EYS: variants seen among roughly 807,000 people sequenced by gnomAD.
EYS encodes protein eyes shut homolog.
In EYS, 250 loss-of-function variants were observed where a neutral mutation model predicts 282.1. The ratio of observed to expected loss-of-function variants is 0.89; its 90% CI spans 0.80 to 0.98. The LOEUF (loss-of-function observed/expected upper bound fraction) is 0.98. EYS is among the 50% of genes least tolerant of loss of function. The pLI, the probability that EYS is intolerant of heterozygous loss-of-function variation, is 0.00. For synonymous variants in EYS, 1,355 were observed against 1,282.9 expected (o/e 1.06, Z -1.20); for missense variants, 4,016 against 3,709.0 (o/e 1.08, Z -2.15).
At chr6:64,470,823 A>G (rs1228419005) in intron 26 of EYS, among the ~76,000 whole-genome samples, 1 of 152,190 alleles carries the variant, frequency 6.6e-6, no homozygotes, top group Non-Finnish European at 1.5e-5. Flanking sequence ...AAAAGCCAAC[A>G]GGACATATGG....
At chr6:64,521,584 A>G (rs1201632854) in intron 26 of EYS, among the ~76,000 whole-genome samples, 1 of 151,736 alleles carries the variant, frequency 6.6e-6, no homozygotes, top group African/African-American at 2.4e-5. Flanking sequence ...TCCAAACTGC[A>G]CAAGTGCCTC....
intron 15 of EYS, among the ~76,000 whole-genome samples, chr6:64,941,507 T>C (rs966121380): frequency 7.9e-5 from 12 of 152,096 alleles, no homozygotes; most frequent in African/African-American, 2.9e-4. Context: ...AACTGTTACA[T>C]GGATATACTG....
chr6:65,122,516 T>C (rs1460957879), intron 12 of EYS, among the ~76,000 whole-genome samples: 1 of 152,060 alleles, frequency 6.6e-6, no homozygotes, highest in East Asian at 1.9e-4. Flanking sequence ...GCAAAACAAG[T>C]AACTATCTTA....
intron 22 of EYS, among the ~76,000 whole-genome samples, chr6:64,717,738 T>A (rs901260892): frequency 6.6e-6 from 1 of 152,192 alleles, no homozygotes; most frequent in Admixed American, 6.5e-5. Flanking sequence ...GAGGCTTTTC[T>A]CAAAATTCCA....
chr6:65,354,914 T>C (rs1317763327), intron 8 of EYS, among the ~76,000 whole-genome samples: 1 of 152,140 alleles, frequency 6.6e-6, no homozygotes, highest in Non-Finnish European at 1.5e-5. Context: ...TACAATTTTA[T>C]GATATATTTC....
At chr6:63,757,222 G>A (rs941729363) in intron 41 of EYS, among the ~76,000 whole-genome samples, 1 of 152,042 alleles carries the variant, frequency 6.6e-6, no homozygotes, top group Non-Finnish European at 1.5e-5. Flanking sequence ...CATTCTTGGG[G>A]GGAGGTCTAT....
rs1768027566 is a variant in EYS, at chr6:64,637,692, C to T, written c.3444-11447G>A. Among the ~76,000 whole-genome samples, 2 of 89,734 alleles carry T rather than the reference C, an allele frequency of 2.2e-5. 1 individual carries two copies. Among genetic ancestry groups the T allele is most frequent in the Non-Finnish European group, 4.8e-5 (2 of 41,878 alleles). 58.9% of individuals were successfully genotyped at this position (89,734 alleles called of 152,430 possible). A position where few individuals can be genotyped will look rare whatever the true frequency, so the allele number is the denominator to read the frequency against. ...CTATCACCACGTCTACATTACTCTACAGTGATCAGAAATCTCTTCTCAAGG... is the reference window on the plus strand; with the variant it reads ...CTATCACCACGTCTACATTACTCTATAGTGATCAGAAATCTCTTCTCAAGG... On this transcript the variant is annotated intron_variant, in intron 22 of 42. Coordinates refer to ENST00000503581, the MANE Select transcript of EYS (RefSeq NM_001142800.2).
intron 2 of EYS, among the ~76,000 whole-genome samples, chr6:65,639,407 T>A (rs1320146802): frequency 6.6e-6 from 1 of 151,984 alleles, no homozygotes; most frequent in Non-Finnish European, 1.5e-5. Flanking sequence ...CAAAAAAAAA[T>A]TATTCAATCC....
At chr6:64,307,369 T>C (rs1297181455) in intron 29 of EYS, among the ~76,000 whole-genome samples, 1 of 152,060 alleles carries the variant, frequency 6.6e-6, no homozygotes, top group Non-Finnish European at 1.5e-5. Context: ...TTCAACCTTA[T>C]AAAAGAAGGA....
intron 26 of EYS, among the ~76,000 whole-genome samples, chr6:64,454,554 A>G (rs940733276): frequency 3.9e-5 from 6 of 152,128 alleles, no homozygotes; most frequent in Admixed American, 3.3e-4. Flanking sequence ...TTTTCAATAA[A>G]TACATTCTGT....
At chr6:65,410,179 G>C (rs1436917187) in intron 5 of EYS, among the ~76,000 whole-genome samples, 3 of 151,972 alleles carry the variant, frequency 2.0e-5, no homozygotes, top group Admixed American at 2.0e-4. Flanking sequence ...CATTTCCATA[G>C]TGCTTACATC....
At chr6:64,642,000 T>A (rs1768174984) in intron 22 of EYS, among the ~76,000 whole-genome samples, 1 of 152,118 alleles carries the variant, frequency 6.6e-6, no homozygotes, top group Non-Finnish European at 1.5e-5. Context: ...ACTGCTGGTG[T>A]AAGGATGAGA....
At chr6:65,559,830 A>G (rs114014479) in intron 2 of EYS, among the ~76,000 whole-genome samples, 2,424 of 151,970 alleles carry the variant, frequency 0.016, 63 homozygotes, top group African/African-American at 0.054. Flanking sequence ...CTTTATAGCT[A>G]ATTTTTGATG....
chr6:64,699,035 T>A (rs903509115), intron 22 of EYS, among the ~76,000 whole-genome samples: 1 of 152,156 alleles, frequency 6.6e-6, no homozygotes, highest in Admixed American at 6.5e-5. Flanking sequence ...GAATGTTCAC[T>A]GCAGCTCTAT....
At chr6:65,651,440 T>C (rs1767647162) in intron 1 of EYS, among the ~76,000 whole-genome samples, 1 of 152,110 alleles carries the variant, frequency 6.6e-6, no homozygotes, top group Non-Finnish European at 1.5e-5. Flanking sequence ...TCTGTACATA[T>C]ATATCTGATA....
chr6:64,720,862 T>C (rs1771555116), intron 22 of EYS, among the ~76,000 whole-genome samples: 1 of 152,218 alleles, frequency 6.6e-6, no homozygotes, highest in African/African-American at 2.4e-5. Flanking sequence ...GGTGCCTCTT[T>C]TGGTGTTTAA....
In EYS at chr6:63,721,050, A is replaced by G; in HGVS notation, c.8981T>C (p.Leu2994Pro). The G allele has an allele frequency of 6.4e-7, 1 of 1,551,396 alleles. No homozygotes were observed. Among genetic ancestry groups the G allele is most frequent in the Non-Finnish European group, 8.7e-7 (1 of 1,146,806 alleles). ...LNFSTTKTEG[L>P]IVWMGIAQNE... ...TTGAGCTATTCCCATCCATACAATT[A>G]GACCTTCTGTTTTAGTGGTACTGAA... The change falls in exon 43 of 43, where the codon CTA becomes CCA. Residue 2994 changes from leucine to proline, a missense_variant. By Grantham distance (98) the Leu-to-Pro change is moderately conservative. Transcript: ENST00000503581.
At chr6:64,046,479 C>T (rs573653297) in intron 33 of EYS, among the ~76,000 whole-genome samples, 1 of 151,990 alleles carries the variant, frequency 6.6e-6, no homozygotes, top group East Asian at 1.9e-4. Flanking sequence ...CTTGTGCCTA[C>T]CATCTTCTAC....
chr6:63,909,636 A>T (rs1340155181), intron 35 of EYS, among the ~76,000 whole-genome samples: 1 of 152,228 alleles, frequency 6.6e-6, no homozygotes, highest in Non-Finnish European at 1.5e-5. Context: ...GCTACAAATC[A>T]GATACTTTTT....
Sources: gnomAD v4.1 joint callset for allele counts (sites outside exome capture counted in the v4.1 genomes callset) on GRCh38, gnomAD v4.1.1 for gene constraint, MANE v1.5 for transcripts, NCBI Gene and HGNC (gene_info 2026-07-23, HGNC 2026-07-21) for gene names.